Variants in STRN3 observed in about 807,000 individuals in gnomAD.
STRN3 encodes the protein striatin 3.
Under a neutral mutation model 95.6 loss-of-function variants are expected in STRN3, and 29 were observed. The ratio of observed to expected loss-of-function variants is 0.30; its 90% CI spans 0.23 to 0.41. The LOEUF is 0.41. Among genes scored for constraint, STRN3 ranks in the 10% least tolerant of loss-of-function variants. The pLI, the probability that STRN3 is intolerant of heterozygous loss-of-function variation, is 1.00. For synonymous variants in STRN3, 331 were observed against 357.6 expected, an observed-to-expected ratio of 0.93 and a Z score of 0.84; for missense variants, 890 against 972.1, an observed-to-expected ratio of 0.92 and a Z score of 1.12.
rs971084519 is a variant in STRN3, at chr14:30,956,240, G to A, written c.285C>T (p.Ala95=). The A allele has an allele frequency of 1.7e-5, 27 of 1,612,444 alleles. No homozygotes were observed. Among genetic ancestry groups the A allele is most frequent in the Non-Finnish European group, 2.2e-5 (26 of 1,179,274 alleles). The change falls in exon 2 of 18, where the codon GCC becomes GCT. Residue 95 remains alanine (A), a splice_region_variant and synonymous_variant. Coordinates refer to ENST00000357479, the MANE Select transcript of STRN3 (RefSeq NM_001083893.2). ...TTTCGCCTTGTAGAAATGCAATCCG[G>A]GCCTAAAAATATAAAAGATGCATTT... ...HWEVERAELQ[A]RIAFLQGERK...
chr14:30,919,994 TA>T (rs1272383898), intron 8 of STRN3, among the ~76,000 whole-genome samples: 1 of 152,094 alleles, frequency 6.6e-6, no homozygotes, highest in Non-Finnish European at 1.5e-5. Flanking sequence ...TACATAAGTT[TA>T]AAAAAATAAA....
chr14:30,992,298 C>T (rs995023290), intron 1 of STRN3, among the ~76,000 whole-genome samples: 1 of 151,750 alleles, frequency 6.6e-6, no homozygotes, highest in Non-Finnish European at 1.5e-5. Context: ...ATAATCCCAG[C>T]TACTCGGGAG....
At position 31,026,231 on chromosome 14, in the gene STRN3, T is replaced by TG. The variant is rs1339758028; in HGVS notation, c.-47dup. ...GGGCGCAGGGCGAGACGCCGACAGC[T>TG]GGGGGAAGGGCCGGAGAGGGTGGCC... On this transcript the variant is annotated 5_prime_UTR_variant, in exon 1 of 18. Transcript: ENST00000357479. 72 of 1,374,060 alleles carry TG rather than the reference T, an allele frequency of 5.2e-5. 1 individual carries two copies. In the Admixed American group the frequency reaches 2.5e-3, roughly 47 times the overall value. The allele number at this position is 1,374,060 out of a possible 1,614,324, so 85.1% of individuals were successfully genotyped here.
intron 1 of STRN3, among the ~76,000 whole-genome samples, chr14:31,015,171 T>A (rs2139335414): frequency 6.6e-6 from 1 of 152,264 alleles, no homozygotes; most frequent in East Asian, 1.9e-4. Context: ...TTAGTTTCCT[T>A]GAAGGGTATT....
chr14:30,933,106 C>T (rs566618967), intron 7 of STRN3, among the ~76,000 whole-genome samples: 13 of 150,514 alleles, frequency 8.6e-5, no homozygotes, highest in African/African-American at 2.7e-4. Context: ...CAAACTCCGT[C>T]TCTACAAAAA....
intron 1 of STRN3, among the ~76,000 whole-genome samples, chr14:31,008,462 T>TA (rs1176649283): frequency 6.6e-6 from 1 of 152,044 alleles, no homozygotes; most frequent in African/African-American, 2.4e-5. Context: ...GAGCCATGAT[T>TA]ACACCACTGC....
Position 30,985,564 on chromosome 14 carries a change from T to C in STRN3, c.283-29322A>G, listed in dbSNP as rs535854855. Among the ~76,000 whole-genome samples the C allele has an allele frequency of 3.3e-5, 5 of 151,628 alleles. No homozygotes were observed. In the East Asian group the frequency reaches 7.8e-4, roughly 24 times the overall value. On this transcript the variant is annotated intron_variant, in intron 1 of 17. Coordinates refer to ENST00000357479, the MANE Select transcript of STRN3 (RefSeq NM_001083893.2). ...GGTTGCAGTGAGCCAAGATCACGCA[T>C]TGTACTCCAGCCTGGGCAACGAGAG...
At chr14:31,003,944 G>T (rs1882596079) in intron 1 of STRN3, among the ~76,000 whole-genome samples, 2 of 151,544 alleles carry the variant, frequency 1.3e-5, no homozygotes, top group Non-Finnish European at 2.9e-5. Context: ...CTTAAGCCCA[G>T]GAGTTTAAGA....
At chr14:30,965,978 CCAATTACCTACTCCA>C (rs1341873285) in intron 1 of STRN3, among the ~76,000 whole-genome samples, 1 of 152,068 alleles carries the variant, frequency 6.6e-6, no homozygotes, top group East Asian at 1.9e-4. Flanking sequence ...CTGACTCATT[CCAATTACCTACTCCA>C]CCCTGACTCA....
intron 8 of STRN3, among the ~76,000 whole-genome samples, chr14:30,923,104 G>T (rs1896925445): frequency 6.6e-6 from 1 of 152,200 alleles, no homozygotes; most frequent in African/African-American, 2.4e-5. Flanking sequence ...TTAGTACTAT[G>T]TGCTAAACGG....
In STRN3 at chr14:31,005,194, T is replaced by C. The variant is rs540416273; in HGVS notation, c.282+20710A>G. On this transcript the variant is annotated intron_variant, in intron 1 of 17. Transcript: ENST00000357479. ...TAAAAATACAAAAATTAGCCGGGCA[T>C]GGTGGCACACGCCAGAAGTCCCAGC... Among the ~76,000 whole-genome samples, 4 of 152,210 alleles carry C rather than the reference T, an allele frequency of 2.6e-5. No homozygotes were observed. In the South Asian group the frequency reaches 8.3e-4, roughly 32 times the overall value.
chr14:30,941,002 G>A (rs943065857), intron 5 of STRN3, among the ~76,000 whole-genome samples: 1 of 152,018 alleles, frequency 6.6e-6, no homozygotes, highest in African/African-American at 2.4e-5. Context: ...TCATGAATAG[G>A]ATTAGTACCC....
Position 30,919,245 on chromosome 14 carries a change from T to G in STRN3, c.1100-139A>C, listed in dbSNP as rs1205331152. On this transcript the variant is annotated intron_variant, in intron 8 of 17. Coordinates refer to ENST00000357479, the MANE Select transcript of STRN3 (RefSeq NM_001083893.2). ...AAATATCAGAAAATTAAAGATGTCTTCCATTTTCCATACCATCCCCCAAAA... is the reference window on the plus strand; with the variant it reads ...AAATATCAGAAAATTAAAGATGTCTGCCATTTTCCATACCATCCCCCAAAA... 3 of 853,152 alleles carry G rather than the reference T, an allele frequency of 3.5e-6. 1 individual carries two copies. The highest frequency in any genetic ancestry group is 5.2e-6 in the Non-Finnish European group (3 of 579,598). The allele number at this position is 853,152 out of a possible 1,614,324, so 52.8% of individuals were successfully genotyped here.
intron 1 of STRN3, among the ~76,000 whole-genome samples, chr14:31,002,654 A>C (rs974204972): frequency 2.0e-5 from 3 of 151,484 alleles, no homozygotes; most frequent in African/African-American, 4.9e-5. Context: ...AAAGAAAAAA[A>C]AAAAAGGAAA....
At chr14:31,006,946 C>T (rs1473350910) in intron 1 of STRN3, among the ~76,000 whole-genome samples, 1 of 151,976 alleles carries the variant, frequency 6.6e-6, no homozygotes, top group African/African-American at 2.4e-5. Context: ...TTCTGAATGG[C>T]GACTGCACTC....
chr14:31,009,733 CA>C (rs1415008354), intron 1 of STRN3, among the ~76,000 whole-genome samples: 2 of 150,074 alleles, frequency 1.3e-5, no homozygotes, highest in Admixed American at 6.7e-5. Flanking sequence ...AACATAAACA[CA>C]AAAAAATTTA....
chr14:30,976,863 G>A (rs1426304072), intron 1 of STRN3, among the ~76,000 whole-genome samples: 1 of 152,202 alleles, frequency 6.6e-6, no homozygotes, highest in Non-Finnish European at 1.5e-5. Context: ...GCCAAGGTGG[G>A]GAGATTACCT....
chr14:30,928,916 T>C (rs981357820), intron 8 of STRN3, among the ~76,000 whole-genome samples: 1 of 152,188 alleles, frequency 6.6e-6, no homozygotes, highest in Non-Finnish European at 1.5e-5. Context: ...TATTTTTTAT[T>C]CCAATGCCAA....
At chr14:30,968,535 C>G (rs894417324) in intron 1 of STRN3, among the ~76,000 whole-genome samples, 4 of 151,944 alleles carry the variant, frequency 2.6e-5, no homozygotes, top group Non-Finnish European at 5.9e-5. Context: ...CAAAAATTAG[C>G]CGGGCATGGT....
Sources: allele counts gnomAD v4.1 joint callset (sites outside exome capture counted in the v4.1 genomes callset), GRCh38; gene constraint gnomAD v4.1.1; transcripts MANE v1.5; gene names NCBI Gene and HGNC (gene_info 2026-07-23, HGNC 2026-07-21).